Variants in MCM10 observed in about 807,000 individuals in gnomAD.
MCM10 encodes the protein minichromosome maintenance 10 replication initiation factor, also known as protein MCM10 homolog.
MCM10 carries 91 observed loss-of-function variants against 109.9 expected under a neutral mutation model. The ratio of observed to expected loss-of-function variants is 0.83; its 90% CI spans 0.70 to 0.99. MCM10 has a LOEUF of 0.99. Among genes scored for constraint, MCM10 ranks in the 50% least tolerant of loss-of-function variants. MCM10 has a pLI of 0.00. For synonymous variants in MCM10, 380 were observed against 387.2 expected (o/e 0.98, Z 0.22); for missense variants, 1,077 against 1,061.2 (o/e 1.01, Z -0.21).
At chr10:13,202,842 G>T (rs575218030) in intron 17 of MCM10, among the ~76,000 whole-genome samples, 1 of 151,962 alleles carries the variant, frequency 6.6e-6, no homozygotes, top group African/African-American at 2.4e-5. Flanking sequence ...ATTTTATTAT[G>T]TATTTATTTA....
chr10:13,178,367 G>A (rs1047169845), intron 6 of MCM10, among the ~76,000 whole-genome samples: 1 of 152,232 alleles, frequency 6.6e-6, no homozygotes, highest in African/African-American at 2.4e-5. Flanking sequence ...GGGATTACAG[G>A]CGTGAGCCAC....
chr10:13,193,498 A>G lies in MCM10; in HGVS notation c.1745+930A>G, dbSNP rs139192931. ...TAGTGTGCCTGGAGATCAGAGAGCT[A>G]GTTTATGGTGGGGCCGAGTTTTGGG... On this transcript the variant is annotated intron_variant, in intron 13 of 19. Transcript: ENST00000378714. 6.8e-3 allele frequency among the ~76,000 whole-genome samples: 1,031 copies of G among 152,200 alleles called. 6 individuals are homozygous for G. Among genetic ancestry groups the G allele is most frequent in the Non-Finnish European group, 0.011 (770 of 68,016 alleles).
At chr10:13,193,701 G>C (rs1177649426) in intron 13 of MCM10, among the ~76,000 whole-genome samples, 3 of 152,132 alleles carry the variant, frequency 2.0e-5, no homozygotes, top group Non-Finnish European at 4.4e-5. Flanking sequence ...GATATCTATA[G>C]AGCTATTCAT....
At chr10:13,209,004 ACT>A (rs1461280203) in intron 18 of MCM10, 85 bp from the exon 19 acceptor site, 1 of 900,324 alleles carries the variant, frequency 1.1e-6, no homozygotes, top group South Asian at 1.4e-5. Flanking sequence ...ATGGGGGCCT[ACT>A]CTCCCCAGGT....
Position 13,190,984 on chromosome 10 carries a change from C to T in MCM10, c.1416-315C>T, listed in dbSNP as rs1469667604. On this transcript the variant is annotated intron_variant, in intron 10 of 19. Transcript: ENST00000378714. The stretch of plus-strand genomic sequence containing the variant: ...CTGCCATTAATATCCTAAATTTTTG[C>T]ATAATCCTTAATTATTTTAAGATAA... Among the ~76,000 whole-genome samples, 4 of 152,264 alleles carry T rather than the reference C, an allele frequency of 2.6e-5. No homozygotes were observed. In the East Asian group the frequency reaches 7.7e-4, roughly 29 times the overall value.
Position 13,172,569 on chromosome 10 carries a change from C to G in MCM10, c.455-59C>G. ...CTGCATCCAACTCCTGTCCAAACAG[C>G]CCTTTGAACCTCTTTCTGAATGGGT... On this transcript the variant is annotated intron_variant, in intron 4 of 19. Coordinates refer to ENST00000378714, the MANE Select transcript of MCM10 (RefSeq NM_018518.5). The surrounding 1 kb of genome is among the most constrained non-coding windows in gnomAD (Gnocchi z 5.2). 1 of 1,603,664 alleles carries G rather than the reference C, an allele frequency of 6.2e-7. No individual in the cohort carries two copies. Among genetic ancestry groups the G allele is most frequent in the Non-Finnish European group, 8.5e-7 (1 of 1,172,000 alleles).
intron 6 of MCM10, 35 bp downstream of exon 6, chr10:13,175,716 G>C (rs776459059): frequency 6.7e-7 from 1 of 1,491,252 alleles, no homozygotes. Context: ...TGTGCGCCAC[G>C]GCATAGCTTT....
chr10:13,177,507 G>A (rs1050971393), intron 6 of MCM10, among the ~76,000 whole-genome samples: 9 of 92,354 alleles, frequency 9.7e-5, no homozygotes, highest in Admixed American at 1.1e-4. Context: ...AGATTTTGGA[G>A]CTTTTTTTTT....
At chr10:13,201,884 C>A in intron 17 of MCM10, 1 of 230,650 alleles carries the variant, frequency 4.3e-6, no homozygotes, top group Non-Finnish European at 8.6e-6. Flanking sequence ...GCCTTGGGAC[C>A]GTGGTTGAAC....
chr10:13,180,248 C>CT (rs1490102673), intron 6 of MCM10, among the ~76,000 whole-genome samples, 194 bp from the exon 7 acceptor site: 1 of 142,458 alleles, frequency 7.0e-6, no homozygotes, highest in African/African-American at 2.5e-5. Flanking sequence ...GAGACTCCAT[C>CT]TTTAAAAAAA....
At chr10:13,192,689 A>G in intron 13 of MCM10, 121 bp downstream of exon 13, 1 of 805,530 alleles carries the variant, frequency 1.2e-6, no homozygotes, top group Non-Finnish European at 2.0e-6. Flanking sequence ...TAACTCTGAA[A>G]GTTTAAAATA....
At chr10:13,203,157 T>TTTA (rs1243932418) in intron 17 of MCM10, among the ~76,000 whole-genome samples, 1 of 152,084 alleles carries the variant, frequency 6.6e-6, no homozygotes, top group African/African-American at 2.4e-5. Flanking sequence ...ACAGTGTACA[T>TTTA]TTATTATCTC....
chr10:13,188,705 ACTT>A (rs1437919415), intron 9 of MCM10, among the ~76,000 whole-genome samples, 173 bp from the exon 10 acceptor site: 1 of 152,204 alleles, frequency 6.6e-6, no homozygotes, highest in Non-Finnish European at 1.5e-5. Flanking sequence ...GAAGGGAAGA[ACTT>A]CTTCCCCTCA....
At chr10:13,202,691 A>C (rs1034133505) in intron 17 of MCM10, among the ~76,000 whole-genome samples, 1 of 151,926 alleles carries the variant, frequency 6.6e-6, no homozygotes, top group Admixed American at 6.6e-5. Context: ...ACACAAACCC[A>C]CCATTGCATT....
chr10:13,176,513 G>T (rs1384763503), intron 6 of MCM10, among the ~76,000 whole-genome samples: 1 of 152,192 alleles, frequency 6.6e-6, no homozygotes, highest in Non-Finnish European at 1.5e-5. Flanking sequence ...AACCTTGTCA[G>T]TGTAAATATC....
At chr10:13,198,830 A>T in intron 16 of MCM10, 23 bp downstream of exon 16, 1 of 1,460,946 alleles carries the variant, frequency 6.8e-7, no homozygotes, top group Non-Finnish European at 9.6e-7. Flanking sequence ...AAGCTCAAGG[A>T]TGGTGTTGAT....
At chr10:13,199,438 C>T (rs953966889) in intron 16 of MCM10, among the ~76,000 whole-genome samples, 1 of 152,130 alleles carries the variant, frequency 6.6e-6, no homozygotes, top group Non-Finnish European at 1.5e-5. Context: ...TTCTGCCTTG[C>T]AATATGCAAA....
chr10:13,166,548 T>C (rs1488268552), intron 2 of MCM10, among the ~76,000 whole-genome samples: 1 of 150,068 alleles, frequency 6.7e-6, no homozygotes, highest in African/African-American at 2.5e-5. Context: ...GGCAGGAGAA[T>C]CACTTGAACC....
At chr10:13,176,113 T>C (rs1370766327) in intron 6 of MCM10, among the ~76,000 whole-genome samples, 1 of 152,142 alleles carries the variant, frequency 6.6e-6, no homozygotes, top group Non-Finnish European at 1.5e-5. Context: ...TCTTTTGCGG[T>C]TCTGTATAAA....
Sources: allele counts gnomAD v4.1 joint callset (sites outside exome capture counted in the v4.1 genomes callset), GRCh38; gene constraint gnomAD v4.1.1; non-coding constraint Gnocchi (gnomAD v3.1); transcripts MANE v1.5; gene names NCBI Gene and HGNC (gene_info 2026-07-23, HGNC 2026-07-21).